ACCSL: variants seen among roughly 807,000 people sequenced by gnomAD.
ACCSL encodes probable inactive 1-aminocyclopropane-1-carboxylate synthase-like protein 2.
A neutral mutation model predicts 61.7 loss-of-function variants in ACCSL; 55 were observed. The ratio of observed to expected loss-of-function variants is 0.89; its 90% CI spans 0.72 to 1.12. The LOEUF (loss-of-function observed/expected upper bound fraction) is 1.12. ACCSL is among the 50% of genes most tolerant of loss of function. The pLI is 0.00. For synonymous variants in ACCSL, 258 were observed against 264.3 expected (o/e 0.98, Z 0.23); for missense variants, 632 against 698.0 (o/e 0.91, Z 1.07).
chr11:43,964,547 A>G, the ACCSL span, among the ~76,000 whole-genome samples: 1 of 152,194 alleles, frequency 6.6e-6, no homozygotes. Flanking sequence ...AATTAACATC[A>G]GTACACCTCA....
At chr11:43,937,689 C>T in the ACCSL span, among the ~76,000 whole-genome samples, 10 of 152,028 alleles carry the variant, frequency 6.6e-5, no homozygotes, top group African/African-American at 2.4e-4. Context: ...ACTGCCACCT[C>T]CACCCCTCAC....
chr11:43,971,149 A>G, the ACCSL span, among the ~76,000 whole-genome samples: 41 of 152,222 alleles, frequency 2.7e-4, no homozygotes, highest in African/African-American at 8.9e-4. Context: ...CCTGGCCAAC[A>G]TGGTGAAACC....
the ACCSL span, chr11:43,943,125 TGGA>T: frequency 1.3e-6 from 2 of 1,501,846 alleles, no homozygotes; most frequent in South Asian, 1.3e-5. This position sits in a 1 kb window ranked among gnomAD's most constrained non-coding sequence, Gnocchi z 4.8. Flanking sequence ...GTGTCCCCCA[TGGA>T]GGAGGAGAAG....
At chr11:44,025,253 G>T in the ACCSL span, among the ~76,000 whole-genome samples, 1 of 151,708 alleles carries the variant, frequency 6.6e-6, no homozygotes. Flanking sequence ...TTCTATCATT[G>T]CTGCCCTATT....
the ACCSL span, among the ~76,000 whole-genome samples, chr11:43,958,370 G>T: frequency 6.6e-6 from 1 of 152,166 alleles, no homozygotes; most frequent in African/African-American, 2.4e-5. Context: ...CAGCAGAAGA[G>T]AACAGCTTCG....
At chr11:43,971,032 C>T in the ACCSL span, among the ~76,000 whole-genome samples, 2 of 152,092 alleles carry the variant, frequency 1.3e-5, no homozygotes, top group African/African-American at 4.8e-5. Context: ...ATGTTAAGTT[C>T]TTAGAAAACC....
the ACCSL span, among the ~76,000 whole-genome samples, chr11:43,966,954 GTC>G: frequency 6.6e-6 from 1 of 151,854 alleles, no homozygotes; most frequent in East Asian, 1.9e-4. Flanking sequence ...TGTATATGCT[GTC>G]TCTCTTTTGC....
the ACCSL span, among the ~76,000 whole-genome samples, chr11:43,965,663 C>T: frequency 1.3e-5 from 2 of 152,014 alleles, no homozygotes; most frequent in Non-Finnish European, 2.9e-5. Flanking sequence ...AAAACAATCT[C>T]GAAAAATAAT....
At chr11:43,926,429 G>T in the ACCSL span, 2 of 437,600 alleles carry the variant, frequency 4.6e-6, no homozygotes, top group African/African-American at 4.1e-5. Flanking sequence ...TCTCGTTCTT[G>T]CAGGCCACTT....
chr11:43,933,199 T>C, the ACCSL span: 2 of 456,030 alleles, frequency 4.4e-6, no homozygotes, highest in Non-Finnish European at 8.8e-6. Context: ...CATGGTTTGG[T>C]AGGAGCAGCG....
rs745896775 is a variant in ACCSL, at chr11:44,059,865, A to G, written c.1652A>G (p.Gln551Arg). 10 of 1,613,790 alleles carry G rather than the reference A, an allele frequency of 6.2e-6. No individual in the cohort carries two copies. The highest frequency in any genetic ancestry group is 2.7e-5 in the African/African-American group (2 of 74,942). The change falls in exon 14 of 14, where the codon CAG (glutamine) becomes CGG (arginine). Residue 551 changes from glutamine (Q) to arginine (R), a missense_variant. Transcript: ENST00000378832. The stretch of plus-strand genomic sequence containing the variant: ...ATGCGTCGGTTCTGTGATGTGCTGC[A>G]GGAGCAGAAGGAGGCTTTGATAGTG... ...LAMRRFCDVL[Q>R]EQKEALIVKQ...
chr11:43,948,771 G>A, the ACCSL span, among the ~76,000 whole-genome samples: 1 of 152,190 alleles, frequency 6.6e-6, no homozygotes, highest in African/African-American at 2.4e-5. Flanking sequence ...ACTTCTCACT[G>A]TAACCCCCTG....
chr11:43,968,783 C>G, the ACCSL span, among the ~76,000 whole-genome samples: 12 of 152,154 alleles, frequency 7.9e-5, no homozygotes, highest in Non-Finnish European at 1.5e-4. Flanking sequence ...TTTTCCCTAA[C>G]CTGACAATGG....
chr11:44,025,224 A>G, the ACCSL span, among the ~76,000 whole-genome samples: 2 of 152,096 alleles, frequency 1.3e-5, no homozygotes, highest in Non-Finnish European at 2.9e-5. Flanking sequence ...TAAATGTCCT[A>G]TGTCTTTTTC....
the ACCSL span, among the ~76,000 whole-genome samples, chr11:43,955,671 T>A: frequency 6.6e-6 from 1 of 152,022 alleles, no homozygotes; most frequent in Non-Finnish European, 1.5e-5. Context: ...TCATCAGAAA[T>A]GCAAAAACTT....
At chr11:44,059,134 C>T (rs529765647) in intron 13 of ACCSL, among the ~76,000 whole-genome samples, 58 of 152,208 alleles carry the variant, frequency 3.8e-4, no homozygotes, top group Non-Finnish European at 7.2e-4. Flanking sequence ...CCCAGCTACT[C>T]GGGGGGCTGA....
At chr11:43,991,742 T>G in the ACCSL span, among the ~76,000 whole-genome samples, 3 of 152,112 alleles carry the variant, frequency 2.0e-5, no homozygotes, top group African/African-American at 7.2e-5. Context: ...TGCAGTAAGC[T>G]GAGATTGCAC....
chr11:43,982,699 C>T, the ACCSL span, among the ~76,000 whole-genome samples: 6 of 152,250 alleles, frequency 3.9e-5, no homozygotes, highest in African/African-American at 1.4e-4. Context: ...GCCTGGGAGT[C>T]AGGGGTCCAG....
chr11:43,930,830 C>T, the ACCSL span, among the ~76,000 whole-genome samples: 2 of 152,314 alleles, frequency 1.3e-5, 1 homozygote, highest in East Asian at 3.9e-4. Context: ...CACATGCACA[C>T]ACGCACACAC....
Sources: gnomAD v4.1 joint callset for allele counts (sites outside exome capture counted in the v4.1 genomes callset) on GRCh38, gnomAD v4.1.1 for gene constraint, Gnocchi (gnomAD v3.1) non-coding constraint, MANE v1.5 for transcripts, NCBI Gene and HGNC (gene_info 2026-07-23, HGNC 2026-07-21) for gene names.